NFATC3: variants seen among roughly 807,000 people sequenced by gnomAD.
NFATC3 encodes the protein nuclear factor of activated T cells 3, also known as nuclear factor of activated T-cells, cytoplasmic 3.
A neutral mutation model predicts 98.6 loss-of-function variants in NFATC3; 46 were observed. The observed-to-expected ratio is 0.47, with a 90% CI of 0.37 to 0.60. The LOEUF is 0.60. Among genes scored for constraint, NFATC3 ranks in the 20% least tolerant of loss-of-function variants. The probability of loss-of-function intolerance (pLI) is 0.00; values close to 1 mark genes in which losing one functional copy is unlikely to be tolerated. For synonymous variants in NFATC3, 512 were observed against 472.2 expected, an observed-to-expected ratio of 1.08 and a Z score of -1.09; for missense variants, 1,256 against 1,295.5, an observed-to-expected ratio of 0.97 and a Z score of 0.47.
At chr16:68,117,200 C>CT (rs1289152125) in intron 1 of NFATC3, among the ~76,000 whole-genome samples, 1 of 152,156 alleles carries the variant, frequency 6.6e-6, no homozygotes, top group Non-Finnish European at 1.5e-5. Context: ...CTTCTGTCCA[C>CT]TTGAGTACCA....
At chr16:68,216,152 G>T (rs1281718809) in intron 9 of NFATC3, among the ~76,000 whole-genome samples, 2 of 152,184 alleles carry the variant, frequency 1.3e-5, no homozygotes, top group Non-Finnish European at 2.9e-5. Flanking sequence ...AGTGGAATGG[G>T]TCCTGTGGAT....
At chr16:68,106,813 C>G (rs1441014120) in intron 1 of NFATC3, among the ~76,000 whole-genome samples, 1 of 151,676 alleles carries the variant, frequency 6.6e-6, no homozygotes, top group Non-Finnish European at 1.5e-5. Flanking sequence ...TGTTACATAG[C>G]AAAATGTGTG....
chr16:68,204,283 A>G (rs1699746775), intron 9 of NFATC3, among the ~76,000 whole-genome samples: 1 of 152,132 alleles, frequency 6.6e-6, no homozygotes, highest in South Asian at 2.1e-4. Context: ...AATCACTTGA[A>G]CCTGGGAGAC....
intron 9 of NFATC3, 152 bp downstream of exon 9, chr16:68,191,927 T>TTC: frequency 2.4e-6 from 2 of 845,052 alleles, no homozygotes; most frequent in African/African-American, 1.7e-5. Flanking sequence ...ATATATAACT[T>TTC]TGCCAGGTAC....
chr16:68,086,441 C>A (rs998701221), intron 1 of NFATC3, among the ~76,000 whole-genome samples: 2 of 151,682 alleles, frequency 1.3e-5, no homozygotes, highest in African/African-American at 2.4e-5. Flanking sequence ...TTCTAGAAGT[C>A]GATTTTTATT....
At chr16:68,220,798 A>G (rs915799759) in intron 9 of NFATC3, among the ~76,000 whole-genome samples, 59 of 150,922 alleles carry the variant, frequency 3.9e-4, no homozygotes, top group African/African-American at 1.4e-3. Flanking sequence ...GGGCGCCTAT[A>G]GTCCCAGCTA....
intron 4 of NFATC3, among the ~76,000 whole-genome samples, chr16:68,163,380 C>G (rs979453357): frequency 9.5e-5 from 14 of 147,414 alleles, no homozygotes; most frequent in African/African-American, 3.5e-4. Context: ...ACCCCACCAC[C>G]TCCCTCCCGG....
chr16:68,087,430 A>T (rs932961446), intron 1 of NFATC3, among the ~76,000 whole-genome samples: 7 of 152,220 alleles, frequency 4.6e-5, no homozygotes, highest in African/African-American at 9.6e-5. Context: ...ATAGGTCTAA[A>T]AGGAGTTATC....
intron 1 of NFATC3, among the ~76,000 whole-genome samples, chr16:68,117,944 A>C (rs1234587502): frequency 6.6e-6 from 1 of 152,178 alleles, no homozygotes; most frequent in Non-Finnish European, 1.5e-5. Flanking sequence ...TCCCCTTTTT[A>C]AAACTCTTAC....
chr16:68,191,209 A>C lies in NFATC3; in HGVS notation c.2540A>C (p.Gln847Pro). 1 of 1,614,196 alleles carries C rather than the reference A, an allele frequency of 6.2e-7. No homozygotes were observed. The part of the protein sequence containing the change: ...TLSGLVNLGC[Q>P]PLSSIPFHSS... ...TCTGGTTTAGTGAATCTTGGCTGTC[A>C]ACCACTGTCATCCATACCATTTCAT... The change falls in exon 9 of 10, where the codon CAA becomes CCA. Residue 847 changes from glutamine to proline, a missense_variant. Gln to Pro is a moderately conservative substitution (Grantham distance 76, BLOSUM62 -1). Transcript: ENST00000346183.
At chr16:68,219,979 C>A (rs117992789) in intron 9 of NFATC3, among the ~76,000 whole-genome samples, 4 of 152,202 alleles carry the variant, frequency 2.6e-5, no homozygotes, top group Admixed American at 2.0e-4. Context: ...GTAGAAATAG[C>A]ATTCCAGTGG....
chr16:68,164,137 C>T (rs557593600), intron 4 of NFATC3, among the ~76,000 whole-genome samples: 22 of 152,272 alleles, frequency 1.4e-4, no homozygotes, highest in South Asian at 2.1e-4. Flanking sequence ...AACCAGACTC[C>T]GTCTGCAATC....
At chr16:68,168,024 G>A (rs1329487068) in intron 5 of NFATC3, among the ~76,000 whole-genome samples, 1 of 151,388 alleles carries the variant, frequency 6.6e-6, no homozygotes, top group East Asian at 1.9e-4. Context: ...AGTAGAGACA[G>A]GGTTTCATCA....
At chr16:68,105,216 A>G (rs920796173) in intron 1 of NFATC3, among the ~76,000 whole-genome samples, 15 of 149,108 alleles carry the variant, frequency 1.0e-4, no homozygotes, top group African/African-American at 3.7e-4. Flanking sequence ...TCAGCCTCCC[A>G]AGTAGGTGGG....
At chr16:68,163,776 A>G (rs986353761) in intron 4 of NFATC3, among the ~76,000 whole-genome samples, 2 of 144,870 alleles carry the variant, frequency 1.4e-5, no homozygotes, top group Non-Finnish European at 3.0e-5. Flanking sequence ...GCGGTGGGGC[A>G]GAGGCGCTCC....
intron 1 of NFATC3, among the ~76,000 whole-genome samples, chr16:68,120,099 G>A (rs1195450099): frequency 6.9e-6 from 1 of 145,722 alleles, no homozygotes; most frequent in East Asian, 2.0e-4. Flanking sequence ...GCAACAAAAC[G>A]AGACCCTGTC....
At position 68,217,464 on chromosome 16, in the gene NFATC3, C is replaced by CAAAA. The variant is rs68079157; in HGVS notation, c.3107-8863_3107-8860dup. Among the ~76,000 whole-genome samples the CAAAA allele has an allele frequency of 1.2e-3, 53 of 44,956 alleles. 1 individual carries two copies. The highest frequency in any genetic ancestry group is 1.9e-3 in the Non-Finnish European group (44 of 23,420). 29.5% of individuals were successfully genotyped at this position (44,956 alleles called of 152,430 possible). ...ACAGAGCAAGATCTAGTCTCTGTCT[C>CAAAA]AAAAAAAAAAAAAAAAAAAAAAAAA... is the stretch of plus-strand genomic sequence containing the variant. On this transcript the variant is annotated intron_variant, in intron 9 of 9. Coordinates refer to ENST00000346183, the MANE Select transcript of NFATC3 (RefSeq NM_173165.3).
intron 9 of NFATC3, among the ~76,000 whole-genome samples, chr16:68,222,753 A>C (rs568891000): frequency 6.6e-6 from 1 of 152,296 alleles, no homozygotes; most frequent in African/African-American, 2.4e-5. Context: ...CTCAGTGGCA[A>C]GGTTCTTGCC....
chr16:68,097,326 T>C (rs2035070475), intron 1 of NFATC3, among the ~76,000 whole-genome samples: 1 of 152,196 alleles, frequency 6.6e-6, no homozygotes, highest in Non-Finnish European at 1.5e-5. Context: ...GTCATGAAAA[T>C]ACAAAGTGCA....
Sources: allele counts gnomAD v4.1 joint callset (sites outside exome capture counted in the v4.1 genomes callset), GRCh38; gene constraint gnomAD v4.1.1; transcripts MANE v1.5; gene names NCBI Gene and HGNC (gene_info 2026-07-23, HGNC 2026-07-21).